The following CACHD1 variants were observed in gnomAD, a reference collection of about 807,000 sequenced individuals.
CACHD1 encodes the protein VWFA and cache domain-containing protein 1.
Under a neutral mutation model 138.7 loss-of-function variants are expected in CACHD1, and 71 were observed. The ratio of observed to expected loss-of-function variants is 0.51; its 90% CI spans 0.42 to 0.62. The LOEUF (loss-of-function observed/expected upper bound fraction) is 0.62. CACHD1 is among the 20% of genes least tolerant of loss of function. CACHD1 has a pLI of 0.00. For synonymous variants in CACHD1, 578 were observed against 591.5 expected (o/e 0.98, Z 0.33); for missense variants, 1,389 against 1,625.3 (o/e 0.85, Z 2.50).
At chr1:64,649,611 C>T (rs973568078) in intron 9 of CACHD1, among the ~76,000 whole-genome samples, 14 of 152,170 alleles carry the variant, frequency 9.2e-5, no homozygotes, top group Admixed American at 2.0e-4. Context: ...CCCGTTAATA[C>T]TGTGTGAAAG....
At chr1:64,476,015 C>T (rs1038465809) in intron 1 of CACHD1, among the ~76,000 whole-genome samples, 1 of 152,172 alleles carries the variant, frequency 6.6e-6, no homozygotes, top group African/African-American at 2.4e-5. Flanking sequence ...GAGCCTTGCC[C>T]AAGCCCCTCT....
At chr1:64,609,639 A>G (rs1378464899) in intron 4 of CACHD1, among the ~76,000 whole-genome samples, 3 of 152,174 alleles carry the variant, frequency 2.0e-5, no homozygotes, top group Non-Finnish European at 4.4e-5. Context: ...TTTGTTAGCC[A>G]TATACTGGCA....
In CACHD1 at chr1:64,629,486, G is replaced by A; in HGVS notation, c.644+5G>A. Reference sequence around the variant, plus strand: ...CAGCTACGAACACCGCAGTAGGTATGTTGACTTGCATGCTAAAGTTTTTAA... The same window carrying A: ...CAGCTACGAACACCGCAGTAGGTATATTGACTTGCATGCTAAAGTTTTTAA... On this transcript the variant is annotated splice_donor_5th_base_variant and intron_variant, in intron 5 of 26. Coordinates refer to ENST00000651257, the MANE Select transcript of CACHD1 (RefSeq NM_020925.4). 6.2e-7 allele frequency: 1 copy of A among 1,611,938 alleles called. No individual in the cohort carries two copies.
At chr1:64,689,819 A>G (rs911741713) in intron 26 of CACHD1, among the ~76,000 whole-genome samples, 7 of 152,194 alleles carry the variant, frequency 4.6e-5, no homozygotes, top group African/African-American at 1.7e-4. Context: ...ACTTAAGCCC[A>G]ACTAAAATAT....
intron 4 of CACHD1, among the ~76,000 whole-genome samples, chr1:64,612,299 C>T (rs1038960331): frequency 3.9e-5 from 6 of 152,162 alleles, no homozygotes; most frequent in Non-Finnish European, 8.8e-5. Flanking sequence ...TTCCATATAT[C>T]AATACCATTT....
intron 16 of CACHD1, among the ~76,000 whole-genome samples, chr1:64,666,570 G>A (rs1370118358): frequency 6.6e-6 from 1 of 152,098 alleles, no homozygotes; most frequent in Admixed American, 6.5e-5. Context: ...CCCAAGAAAA[G>A]GAGGATTGTT....
chr1:64,675,367 G>A lies in CACHD1; in HGVS notation c.2728-34G>A, dbSNP rs749355116. 5.9e-6 allele frequency: 9 copies of A among 1,525,244 alleles called. No homozygotes were observed. In the South Asian group the frequency reaches 8.7e-5, roughly 15 times the overall value. The allele number at this position is 1,525,244 out of a possible 1,614,324, so 94.5% of individuals were successfully genotyped here. On this transcript the variant is annotated intron_variant, in intron 19 of 26. Coordinates refer to ENST00000651257, the MANE Select transcript of CACHD1 (RefSeq NM_020925.4). The stretch of plus-strand genomic sequence containing the variant: ...GGTAGGGCTGAGTCTTTGCATTGCT[G>A]TCTGTCATTTCTGATACCTTGATTG...
intron 1 of CACHD1, among the ~76,000 whole-genome samples, chr1:64,513,864 T>C (rs1330602503): frequency 6.6e-6 from 1 of 152,202 alleles, no homozygotes. Flanking sequence ...GAAATCCAGA[T>C]TTTTATAAGA....
At chr1:64,653,903 T>C in intron 11 of CACHD1, 22 bp downstream of exon 11, 1 of 1,608,560 alleles carries the variant, frequency 6.2e-7, no homozygotes. Context: ...GTGAGGGTCA[T>C]AGGATTGTTT....
At chr1:64,601,362 T>C (rs1181706853) in intron 3 of CACHD1, among the ~76,000 whole-genome samples, 1 of 152,216 alleles carries the variant, frequency 6.6e-6, no homozygotes, top group African/African-American at 2.4e-5. Context: ...ATTAATCTCT[T>C]ATTTTCCCTC....
Position 64,653,837 on chromosome 1 carries a change from T to C in CACHD1, c.1620T>C (p.Tyr540=). ...CACTTCATACTGACATCATACATTA[T>C]GAAAATATTCCAAAATTTGAATTAG... ...EPPLHTDIIH[Y]ENIPKFELVR... Residue 540 remains tyrosine (Y), a synonymous_variant, in exon 11 of 27, where the codon TAT becomes TAC. Transcript: ENST00000651257. 1 of 1,613,282 alleles carries C rather than the reference T, an allele frequency of 6.2e-7. No individual in the cohort carries two copies. Among genetic ancestry groups the C allele is most frequent in the Non-Finnish European group, 8.5e-7 (1 of 1,179,342 alleles).
chr1:64,625,074 A>C (rs142815491), intron 4 of CACHD1, among the ~76,000 whole-genome samples: 3 of 152,316 alleles, frequency 2.0e-5, no homozygotes, highest in South Asian at 2.1e-4. Flanking sequence ...AATATTTACT[A>C]TCTGGCCCAT....
At chr1:64,582,871 T>C (rs918920812) in intron 3 of CACHD1, among the ~76,000 whole-genome samples, 2 of 152,284 alleles carry the variant, frequency 1.3e-5, no homozygotes, top group African/African-American at 4.8e-5. Context: ...AGAACACTTA[T>C]CTGGAGGTGC....
chr1:64,614,847 C>A (rs11576536), intron 4 of CACHD1, among the ~76,000 whole-genome samples: 1 of 152,114 alleles, frequency 6.6e-6, no homozygotes, highest in Non-Finnish European at 1.5e-5. Context: ...GAATAATTAA[C>A]GTAGAGACCC....
rs368886676 is a variant in CACHD1 at position 64,577,056 on chromosome 1, G to A, written c.262-5100G>A. On this transcript the variant is annotated intron_variant, in intron 2 of 26. Transcript: ENST00000651257. ...CATCCTGGGCTCAGGTGATCCTCCC[G>A]CCTCAGCCCTCTGGGTAGCTGGGAC... Among the ~76,000 whole-genome samples the A allele has an allele frequency of 4.6e-5, 7 of 151,968 alleles. 1 individual carries two copies. Among genetic ancestry groups the A allele is most frequent in the African/African-American group, 1.7e-4 (7 of 41,390 alleles).
Position 64,584,679 on chromosome 1 carries a change from C to T in CACHD1, c.410+2375C>T, listed in dbSNP as rs114920464. On this transcript the variant is annotated intron_variant, in intron 3 of 26. Coordinates refer to ENST00000651257, the MANE Select transcript of CACHD1 (RefSeq NM_020925.4). ...CAGACCTTGTTGTGAGTTGGCCTCC[C>T]CTTCTGTTCTGGGCAGGAATTACAC... Among the ~76,000 whole-genome samples the T allele has an allele frequency of 7.1e-3, 1,083 of 152,224 alleles. 17 individuals are homozygous for T. Among genetic ancestry groups the T allele is most frequent in the African/African-American group, 0.025 (1,034 of 41,530 alleles).
intron 1 of CACHD1, among the ~76,000 whole-genome samples, chr1:64,496,471 A>G (rs1178423003): frequency 2.6e-5 from 4 of 152,212 alleles, no homozygotes; most frequent in Non-Finnish European, 4.4e-5. Context: ...TCCTCCTATA[A>G]TCTAGTAAAC....
intron 4 of CACHD1, among the ~76,000 whole-genome samples, chr1:64,618,232 AAGTTATC>A (rs1557521890): frequency 6.6e-6 from 1 of 152,208 alleles, no homozygotes; most frequent in Non-Finnish European, 1.5e-5. Flanking sequence ...CCTGTATCCT[AAGTTATC>A]AGTAATCTTT....
chr1:64,564,943 C>T (rs1646870053), intron 2 of CACHD1, among the ~76,000 whole-genome samples: 1 of 151,826 alleles, frequency 6.6e-6, no homozygotes, highest in Non-Finnish European at 1.5e-5. Flanking sequence ...AGAGCGGGTA[C>T]AGAAGAGTTG....
Sources: allele counts gnomAD v4.1 joint callset (sites outside exome capture counted in the v4.1 genomes callset), GRCh38; gene constraint gnomAD v4.1.1; transcripts MANE v1.5; gene names NCBI Gene and HGNC (gene_info 2026-07-23, HGNC 2026-07-21).